Variants in KLHL29 observed in about 807,000 individuals in gnomAD.
The protein encoded by KLHL29 is kelch-like protein 29.
A neutral mutation model predicts 80.4 loss-of-function variants in KLHL29; 21 were observed. The ratio of observed to expected loss-of-function variants is 0.26; its 90% CI spans 0.19 to 0.38. KLHL29 has a LOEUF of 0.38. Ranked by LOEUF, KLHL29 falls within the 10% of genes least tolerant of loss-of-function variation. KLHL29 has a pLI of 1.00. For synonymous variants in KLHL29, 511 were observed against 526.8 expected, an observed-to-expected ratio of 0.97 and a Z score of 0.41; for missense variants, 867 against 1,223.9, an observed-to-expected ratio of 0.71 and a Z score of 4.35.
chr2:23,616,639 G>A (rs1032130793), intron 3 of KLHL29: 1 of 152,212 alleles, frequency 6.6e-6, no homozygotes, highest in Non-Finnish European at 1.5e-5. Flanking sequence ...AGAACCTGGG[G>A]TCATGGGCTT....
At chr2:23,548,074 C>G (rs1667023616) in intron 2 of KLHL29, among the ~76,000 whole-genome samples, 1 of 104 alleles carries the variant, frequency 9.6e-3, no homozygotes, top group Non-Finnish European at 0.022. Context: ...CTATGTCAAG[C>G]CGAGGCAGGG....
chr2:23,434,320 C>CAAAA lies in KLHL29; in HGVS notation c.-153-41218_-153-41215dup, dbSNP rs34991893. ...TGGGAGACACAGCGAGACTCCGTCT[C>CAAAA]AAAAAAAAAAAAAAAAAAAAAAAAA... On this transcript the variant is annotated intron_variant, in intron 1 of 13. Transcript: ENST00000486442. 2.8e-3 allele frequency among the ~76,000 whole-genome samples: 156 copies of CAAAA among 54,884 alleles called. 9 individuals carry two copies. The highest frequency in any genetic ancestry group is 0.01 in the African/African-American group (128 of 12,446). 36.0% of individuals were successfully genotyped at this position (54,884 alleles called of 152,430 possible).
intron 2 of KLHL29, among the ~76,000 whole-genome samples, chr2:23,514,255 T>C (rs1665859620): frequency 6.6e-6 from 1 of 152,156 alleles, no homozygotes; most frequent in Non-Finnish European, 1.5e-5. Flanking sequence ...TCTGAGGAGC[T>C]GGGCATCAGG....
intron 1 of KLHL29, among the ~76,000 whole-genome samples, chr2:23,398,922 C>T (rs1369821502): frequency 6.6e-6 from 1 of 152,150 alleles, no homozygotes; most frequent in Non-Finnish European, 1.5e-5. Flanking sequence ...TTGTCTATGG[C>T]AAATGCTGGA....
rs369809924 is a variant in KLHL29 at position 23,611,803 on chromosome 2, A to G, written c.286-27336A>G. ...TTTTCAGCAGAGAACCAGAAACTAT[A>G]TATCTTTTTAAAAACCCAAATGTAA... On this transcript the variant is annotated intron_variant, in intron 3 of 13. Coordinates refer to ENST00000486442, the MANE Select transcript of KLHL29 (RefSeq NM_052920.2). Among the ~76,000 whole-genome samples the G allele has an allele frequency of 1.1e-4, 17 of 152,206 alleles. No homozygotes were observed. The South Asian group carries it at 3.1e-3, about 28-fold the overall frequency.
At chr2:23,391,085 C>T (rs1666312246) in intron 1 of KLHL29, among the ~76,000 whole-genome samples, 1 of 152,328 alleles carries the variant, frequency 6.6e-6, no homozygotes, top group South Asian at 2.1e-4. Context: ...CTGGCATCCG[C>T]CATTCTACTT....
At chr2:23,519,963 A>G (rs963365623) in intron 2 of KLHL29, among the ~76,000 whole-genome samples, 1 of 152,218 alleles carries the variant, frequency 6.6e-6, no homozygotes, top group Non-Finnish European at 1.5e-5. Flanking sequence ...TTTATTAATG[A>G]ACAAATTTAT....
intron 3 of KLHL29, among the ~76,000 whole-genome samples, chr2:23,601,611 A>G (rs894039707): frequency 8.5e-5 from 13 of 152,200 alleles, no homozygotes; most frequent in Non-Finnish European, 1.6e-4. Flanking sequence ...ATGTCCTGAC[A>G]TCTTCTAGAT....
At chr2:23,482,610 A>C (rs1279120711) in intron 2 of KLHL29, among the ~76,000 whole-genome samples, 1 of 152,194 alleles carries the variant, frequency 6.6e-6, no homozygotes, top group Non-Finnish European at 1.5e-5. Context: ...AAATTGATGG[A>C]CTTCTCTCCT....
chr2:23,640,665 G>A (rs562555957), intron 4 of KLHL29, among the ~76,000 whole-genome samples: 5 of 152,266 alleles, frequency 3.3e-5, no homozygotes, highest in East Asian at 3.9e-4. Flanking sequence ...GACCTCTCTC[G>A]TTATCAAAAT....
intron 2 of KLHL29, among the ~76,000 whole-genome samples, chr2:23,540,225 C>T (rs1010314168): frequency 5.9e-5 from 9 of 152,366 alleles, no homozygotes; most frequent in African/African-American, 2.2e-4. Flanking sequence ...CTCACACTTC[C>T]TCTGCCGGGG....
At chr2:23,505,510 C>T (rs193012668) in intron 2 of KLHL29, among the ~76,000 whole-genome samples, 1 of 152,320 alleles carries the variant, frequency 6.6e-6, no homozygotes, top group East Asian at 1.9e-4. Context: ...TGGCTTCATC[C>T]CTCTGCCTCT....
At chr2:23,498,352 C>T (rs186766504) in intron 2 of KLHL29, among the ~76,000 whole-genome samples, 2 of 152,260 alleles carry the variant, frequency 1.3e-5, no homozygotes, top group East Asian at 1.9e-4. Context: ...GCCTCCATAC[C>T]GAGTGGGCTG....
chr2:23,445,039 T>A (rs532267473), intron 1 of KLHL29, among the ~76,000 whole-genome samples: 78 of 152,300 alleles, frequency 5.1e-4, no homozygotes, highest in African/African-American at 1.8e-3. Flanking sequence ...CAAAACCAAT[T>A]TTTTTCCTCA....
chr2:23,461,726 G>GA (rs1558346728), intron 1 of KLHL29, among the ~76,000 whole-genome samples: 1 of 151,600 alleles, frequency 6.6e-6, no homozygotes, highest in African/African-American at 2.4e-5. Context: ...TTGCTGGGGG[G>GA]GCAGGGGGGC....
At chr2:23,509,354 T>C (rs13009868) in intron 2 of KLHL29, among the ~76,000 whole-genome samples, 21,460 of 152,176 alleles carry the variant, frequency 0.14, 2,194 homozygotes, top group East Asian at 0.56. Context: ...AGGATCTTCA[T>C]TGGACTGCTG....
chr2:23,446,076 AGTCTTGTATT>A (rs1472958702), intron 1 of KLHL29, among the ~76,000 whole-genome samples: 1 of 152,046 alleles, frequency 6.6e-6, no homozygotes, highest in African/African-American at 2.4e-5. Context: ...TTATTTTATC[AGTCTTGTATT>A]TCAAATCGTA....
chr2:23,582,151 CA>C (rs1352961240), intron 3 of KLHL29, among the ~76,000 whole-genome samples: 2 of 152,182 alleles, frequency 1.3e-5, no homozygotes, highest in Non-Finnish European at 2.9e-5. Context: ...CTCATCAGGG[CA>C]GGCCACAAAA....
intron 1 of KLHL29, among the ~76,000 whole-genome samples, chr2:23,395,485 G>A (rs556487421): frequency 3.3e-4 from 51 of 152,294 alleles, no homozygotes; most frequent in African/African-American, 9.6e-4. Context: ...GGTGGCTCAC[G>A]CCTGTGATCC....
Sources: gnomAD v4.1 joint callset for allele counts (sites outside exome capture counted in the v4.1 genomes callset) on GRCh38, gnomAD v4.1.1 for gene constraint, MANE v1.5 for transcripts, NCBI Gene and HGNC (gene_info 2026-07-23, HGNC 2026-07-21) for gene names.